Variants in LPIN1 observed in about 807,000 individuals in gnomAD.
LPIN1 encodes lipin 1.
A neutral mutation model predicts 107.5 loss-of-function variants in LPIN1; 71 were observed. That is an observed-to-expected ratio of 0.66 (90% CI 0.55 to 0.80). LPIN1 has a LOEUF of 0.80. Ranked by LOEUF, LPIN1 falls within the 30% of genes least tolerant of loss-of-function variation. The probability of loss-of-function intolerance (pLI) is 0.00; values close to 1 mark genes in which losing one functional copy is unlikely to be tolerated. For synonymous variants in LPIN1, 445 were observed against 452.6 expected, an observed-to-expected ratio of 0.98 and a Z score of 0.21; for missense variants, 1,043 against 1,160.6, an observed-to-expected ratio of 0.90 and a Z score of 1.47.
intron 1 of LPIN1, among the ~76,000 whole-genome samples, chr2:11,738,959 A>G (rs1666064199): frequency 6.6e-6 from 1 of 152,250 alleles, no homozygotes; most frequent in South Asian, 2.1e-4. Flanking sequence ...CAGCTTAGAA[A>G]TAGATCCCTA....
At chr2:11,820,640 A>C (rs986048318) in intron 20 of LPIN1, 126 bp downstream of exon 20, 2 of 684,440 alleles carry the variant, frequency 2.9e-6, no homozygotes, top group African/African-American at 3.6e-5. Context: ...TCTTATAATG[A>C]AAAAATGTAT....
intron 19 of LPIN1, 82 bp from the exon 20 acceptor site, chr2:11,820,329 A>C: frequency 1.1e-6 from 1 of 909,040 alleles, no homozygotes; most frequent in African/African-American, 1.6e-5. Context: ...TTGATATCTC[A>C]TCAAATCAGA....
chr2:11,721,269 T>C (rs866414127), upstream of LPIN1, among the ~76,000 whole-genome samples: 175 of 135,382 alleles, frequency 1.3e-3, no homozygotes, highest in African/African-American at 4.9e-3. Flanking sequence ...CATGCGTGTG[T>C]GTGTGTGTGT....
intron 1 of LPIN1, chr2:11,682,925 A>AGC (rs1191696362): frequency 2.6e-5 from 4 of 152,192 alleles, no homozygotes; most frequent in African/African-American, 9.7e-5. Flanking sequence ...CACCCTATTT[A>AGC]GCACACACCT....
chr2:11,738,640 A>T (rs1666032795), intron 1 of LPIN1, among the ~76,000 whole-genome samples: 1 of 152,192 alleles, frequency 6.6e-6, no homozygotes, highest in Non-Finnish European at 1.5e-5. Flanking sequence ...GGAAGCAATA[A>T]GAGCAGCCTC....
In LPIN1 at chr2:11,782,393, C is replaced by T. The variant is rs954246999; in HGVS notation, c.1150C>T (p.Leu384=). 1 of 1,614,192 alleles carries T rather than the reference C, an allele frequency of 6.2e-7. No homozygotes were observed. The highest frequency in any genetic ancestry group is 1.7e-5 in the Admixed American group (1 of 60,022). The change falls in exon 8 of 21, where the codon CTG becomes TTG. Residue 384 remains leucine (L), a synonymous_variant. Transcript: ENST00000674199. The part of the protein sequence containing the change: ...TEMQFVNEED[L]ETLGAAAPLL... Reference sequence around the variant, plus strand: ...AATGCAGTTTGTGAATGAAGAAGACCTGGAGACCTTAGGAGCAGCAGCGCC... The same window carrying T: ...AATGCAGTTTGTGAATGAAGAAGACTTGGAGACCTTAGGAGCAGCAGCGCC...
At chr2:11,734,545 C>T (rs1163013328) in intron 1 of LPIN1, among the ~76,000 whole-genome samples, 1 of 152,174 alleles carries the variant, frequency 6.6e-6, no homozygotes, top group Admixed American at 6.5e-5. Context: ...TTACCCAAGA[C>T]CCAAGAGGGA....
chr2:11,704,555 A>G (rs1322560692), intron 1 of LPIN1, among the ~76,000 whole-genome samples: 1 of 152,210 alleles, frequency 6.6e-6, no homozygotes, highest in Admixed American at 6.5e-5. Context: ...AAATCTAGTT[A>G]TATCTAGGGT....
upstream of LPIN1, among the ~76,000 whole-genome samples, chr2:11,746,413 A>C (rs1666914775): frequency 6.6e-6 from 1 of 152,128 alleles, no homozygotes; most frequent in African/African-American, 2.4e-5. Context: ...TGGAAAGGAA[A>C]ATCAGAAAGG....
chr2:11,755,687 G>A (rs1377831517), intron 1 of LPIN1, among the ~76,000 whole-genome samples: 1 of 151,952 alleles, frequency 6.6e-6, no homozygotes, highest in Non-Finnish European at 1.5e-5. Context: ...AGATTTGAGG[G>A]GTAATTATTG....
upstream of LPIN1, chr2:11,722,407 C>A (rs183335799): frequency 1.0e-3 from 154 of 152,370 alleles, no homozygotes; most frequent in African/African-American, 3.5e-3. Context: ...GGTTTGGTCA[C>A]CCCTTTTGTC....
intron 20 of LPIN1, 76 bp downstream of exon 20, chr2:11,820,590 G>T: frequency 9.4e-7 from 1 of 1,066,886 alleles, no homozygotes; most frequent in Non-Finnish European, 1.5e-6. Flanking sequence ...AGTTTGCGGT[G>T]TACCTTTTCC....
chr2:11,790,270 T>C (rs1158263084), intron 12 of LPIN1, among the ~76,000 whole-genome samples: 1 of 152,248 alleles, frequency 6.6e-6, no homozygotes, highest in African/African-American at 2.4e-5. Flanking sequence ...TGATCTCATA[T>C]GATGAGGATC....
intron 1 of LPIN1, among the ~76,000 whole-genome samples, chr2:11,708,592 A>G (rs1285995830): frequency 1.3e-5 from 2 of 152,244 alleles, no homozygotes; most frequent in African/African-American, 4.8e-5. Flanking sequence ...TCAGTGGGGA[A>G]TGATGTGGTG....
chr2:11,813,107 G>A (rs941816436), intron 17 of LPIN1, among the ~76,000 whole-genome samples: 4 of 152,160 alleles, frequency 2.6e-5, no homozygotes, highest in Non-Finnish European at 5.9e-5. Context: ...TGGTGTGTGT[G>A]GTTTTGGAGG....
At chr2:11,821,576 TCTGGAGGAGTTAGA>T (rs1299454631) in intron 20 of LPIN1, among the ~76,000 whole-genome samples, 9 of 152,226 alleles carry the variant, frequency 5.9e-5, no homozygotes, top group Non-Finnish European at 8.8e-5. Context: ...TTCCTCTTTA[TCTGGAGGAGTTAGA>T]CTGGGGGAGT....
chr2:11,815,627 A>G (rs1296135160), intron 18 of LPIN1, among the ~76,000 whole-genome samples: 1 of 151,922 alleles, frequency 6.6e-6, no homozygotes, highest in Non-Finnish European at 1.5e-5. Flanking sequence ...GGCCTGGCTG[A>G]ATCTTAATGT....
At chr2:11,759,811 G>A (rs1558823060) in intron 1 of LPIN1, among the ~76,000 whole-genome samples, 1 of 146,340 alleles carries the variant, frequency 6.8e-6, no homozygotes, top group Non-Finnish European at 1.5e-5. Flanking sequence ...GCCGGGCGGG[G>A]GCTGACCCCC....
intron 1 of LPIN1, among the ~76,000 whole-genome samples, chr2:11,712,606 C>T (rs1663486004): frequency 6.6e-6 from 1 of 151,940 alleles, no homozygotes; most frequent in South Asian, 2.1e-4. Context: ...AACAGTCAGT[C>T]AACAAATATG....
Sources: allele counts gnomAD v4.1 joint callset (sites outside exome capture counted in the v4.1 genomes callset), GRCh38; gene constraint gnomAD v4.1.1; transcripts MANE v1.5; gene names NCBI Gene and HGNC (gene_info 2026-07-23, HGNC 2026-07-21).